SLC44A2: variants seen among roughly 807,000 people sequenced by gnomAD.
SLC44A2 encodes choline transporter-like protein 2.
SLC44A2 carries 57 observed loss-of-function variants against 90.8 expected under a neutral mutation model. That is an observed-to-expected ratio of 0.63 (90% CI 0.51 to 0.78). The LOEUF (loss-of-function observed/expected upper bound fraction) is 0.78, where lower values mean the gene tolerates loss of function less well. Ranked by LOEUF, SLC44A2 falls within the 30% of genes least tolerant of loss-of-function variation. SLC44A2 has a pLI of 0.00. For synonymous variants in SLC44A2, 355 were observed against 360.7 expected (o/e 0.98, Z 0.18); for missense variants, 794 against 919.7 (o/e 0.86, Z 1.77).
intron 10 of SLC44A2, among the ~76,000 whole-genome samples, chr19:10,632,870 C>G (rs552902030): frequency 8.6e-5 from 13 of 151,916 alleles, no homozygotes; most frequent in African/African-American, 3.1e-4. Flanking sequence ...TGGGGTTTCT[C>G]CATGTTGGTC....
intron 1 of SLC44A2, among the ~76,000 whole-genome samples, chr19:10,619,249 CAAAGCCCAGTCCCTACAAAAAAATAT>C (rs2066879721): frequency 6.6e-6 from 1 of 151,136 alleles, no homozygotes; most frequent in Non-Finnish European, 1.5e-5. Context: ...GGCAACATGG[CAAAGCCCAGTCCCTACAAAAAAATAT>C]AAAAAATTAG....
In SLC44A2 at chr19:10,637,935, G is replaced by A; in HGVS notation, c.1769+6G>A. 6.2e-7 allele frequency: 1 copy of A among 1,614,074 alleles called. No individual in the cohort carries two copies. The highest frequency in any genetic ancestry group is 1.1e-5 in the South Asian group (1 of 91,076). On this transcript the variant is annotated splice_donor_region_variant and intron_variant, in intron 18 of 21. Transcript: ENST00000335757. The stretch of plus-strand genomic sequence containing the variant: ...CTCATGAGAAACATCATCAGGTCGG[G>A]AATCATTATCATCTTCCTCCTGCCA...
At position 10,636,594 on chromosome 19, in the gene SLC44A2, G is replaced by A; in HGVS notation, c.1496+9G>A. ...TTTGGCCGGGCGCTCAGGTGGGCTG[G>A]CGTTGCAGGCAGGATGGGGTGGAGG... On this transcript the variant is annotated intron_variant, in intron 15 of 21. Transcript: ENST00000335757. 6.2e-7 allele frequency: 1 copy of A among 1,604,116 alleles called. No individual in the cohort carries two copies. The highest frequency in any genetic ancestry group is 1.1e-5 in the South Asian group (1 of 90,802).
At chr19:10,608,213 A>C (rs1918170342) in intron 1 of SLC44A2, among the ~76,000 whole-genome samples, 1 of 144,098 alleles carries the variant, frequency 6.9e-6, no homozygotes, top group Non-Finnish European at 1.5e-5. Context: ...ACAGAGCGAG[A>C]CTCCGTCTCA....
At position 10,644,470 on chromosome 19, in the gene SLC44A2, GC is replaced by G. The variant is rs1468890428; in HGVS notation, c.*1087del. 2 of 153,520 alleles carry G rather than the reference GC, an allele frequency of 1.3e-5. No homozygotes were observed. The highest frequency in any genetic ancestry group is 3.8e-4 in the East Asian group (2 of 5,228). The allele number at this position is 153,520 out of a possible 1,614,324, so 9.5% of individuals were successfully genotyped here. A position where few individuals can be genotyped will look rare whatever the true frequency, so the allele number is the denominator to read the frequency against. On this transcript the variant is annotated 3_prime_UTR_variant, in exon 22 of 22. Coordinates refer to ENST00000335757, the MANE Select transcript of SLC44A2 (RefSeq NM_020428.4). ...GAGGGGGGGGTCTCCCGTTTCCTGT[GC>G]CTGCACCAGCCCTGCCCCCATTGCG...
intron 1 of SLC44A2, among the ~76,000 whole-genome samples, chr19:10,614,753 C>G (rs2066841567): frequency 6.6e-6 from 1 of 150,780 alleles, no homozygotes; most frequent in African/African-American, 2.4e-5. Context: ...GGCGGATCAC[C>G]CGAGGTCAGG....
At position 10,638,032 on chromosome 19, in the gene SLC44A2, C is replaced by G; in HGVS notation, c.1779C>G (p.Val593=). Residue 593 remains valine (V), a synonymous_variant, in exon 19 of 22, where the codon GTC becomes GTG. Coordinates refer to ENST00000335757, the MANE Select transcript of SLC44A2 (RefSeq NM_020428.4). ...TCACTGTCCCCTGCAGAGTGGCTGT[C>G]CTGGATAAAGTTACTGACTTCCTCT... is the stretch of plus-strand genomic sequence containing the variant. The part of the protein sequence containing the change: ...LLMRNIIRVA[V]LDKVTDFLFL... The G allele has an allele frequency of 6.2e-7, 1 of 1,614,054 alleles. No homozygotes were observed. The highest frequency in any genetic ancestry group is 1.1e-5 in the South Asian group (1 of 91,068).
chr19:10,606,724 T>C (rs988824054), intron 1 of SLC44A2, among the ~76,000 whole-genome samples: 1 of 151,636 alleles, frequency 6.6e-6, no homozygotes, highest in African/African-American at 2.4e-5. Context: ...GACAGGAGAA[T>C]TGCTTGAACC....
intron 1 of SLC44A2, among the ~76,000 whole-genome samples, chr19:10,610,121 T>C (rs1436102603): frequency 6.6e-6 from 1 of 151,636 alleles, no homozygotes; most frequent in Non-Finnish European, 1.5e-5. Context: ...TACTTATATT[T>C]AGATTGTTGG....
chr19:10,642,522 T>TC, intron 21 of SLC44A2, 71 bp downstream of exon 21: 1 of 1,426,068 alleles, frequency 7.0e-7, no homozygotes, highest in Non-Finnish European at 9.9e-7. Context: ...CACATCACCC[T>TC]CCAACGGGGC....
At chr19:10,637,472 C>A (rs1338614483) in intron 16 of SLC44A2, 172 bp from the exon 17 acceptor site, 19 of 615,234 alleles carry the variant, frequency 3.1e-5, no homozygotes, top group Non-Finnish European at 3.5e-5. Context: ...AGTGCAGTGG[C>A]ACCATCATAG....
At chr19:10,627,315 C>T (rs1441426307) in intron 2 of SLC44A2, among the ~76,000 whole-genome samples, 4 of 148,000 alleles carry the variant, frequency 2.7e-5, no homozygotes, top group Admixed American at 6.7e-5. Flanking sequence ...AGTGAGATTC[C>T]CTCTCAAAAA....
chr19:10,631,227 G>A, intron 5 of SLC44A2, 48 bp from the exon 6 acceptor site: 1 of 1,608,326 alleles, frequency 6.2e-7, no homozygotes, highest in Non-Finnish European at 8.5e-7. Context: ...CCTCAGTCCT[G>A]AGCAGTCTGC....
intron 1 of SLC44A2, among the ~76,000 whole-genome samples, chr19:10,607,815 G>A (rs1918156835): frequency 1.3e-5 from 2 of 148,422 alleles, no homozygotes; most frequent in Non-Finnish European, 1.5e-5. Context: ...GCGTGATCTC[G>A]GCTCACTGCA....
At chr19:10,609,147 G>A (rs530713266) in intron 1 of SLC44A2, among the ~76,000 whole-genome samples, 17 of 150,178 alleles carry the variant, frequency 1.1e-4, no homozygotes, top group African/African-American at 2.9e-4. Context: ...TGGTAGAGAC[G>A]GGGTTTCACC....
chr19:10,622,692 G>T (rs2066901810), upstream of SLC44A2, among the ~76,000 whole-genome samples: 1 of 152,020 alleles, frequency 6.6e-6, no homozygotes, highest in Admixed American at 6.6e-5. Flanking sequence ...CCTGAGGCCA[G>T]GAGTTCCAGA....
chr19:10,616,129 C>T (rs1255900316), intron 1 of SLC44A2, among the ~76,000 whole-genome samples: 2 of 149,612 alleles, frequency 1.3e-5, no homozygotes, highest in Non-Finnish European at 3.0e-5. Flanking sequence ...GACAGTGAGA[C>T]CCTGTCTCCA....
intron 20 of SLC44A2, among the ~76,000 whole-genome samples, chr19:10,638,640 T>C (rs1462258133): frequency 1.3e-5 from 2 of 151,352 alleles, no homozygotes; most frequent in African/African-American, 4.9e-5. Flanking sequence ...TTAATTTTAA[T>C]TTAATTTTTT....
upstream of SLC44A2, among the ~76,000 whole-genome samples, chr19:10,622,163 T>C (rs148865903): frequency 2.9e-4 from 44 of 152,292 alleles, no homozygotes; most frequent in Middle Eastern, 6.8e-3. Context: ...GCAAAGGCCC[T>C]GAGGTCAGAC....
Sources: gnomAD v4.1 joint callset for allele counts (sites outside exome capture counted in the v4.1 genomes callset) on GRCh38, gnomAD v4.1.1 for gene constraint, MANE v1.5 for transcripts, NCBI Gene and HGNC (gene_info 2026-07-23, HGNC 2026-07-21) for gene names.